Variants in RNF141 observed in about 807,000 individuals in gnomAD.
The protein encoded by RNF141 is C3HC4-like zinc finger protein.
In RNF141, 18 loss-of-function variants were observed where a neutral mutation model predicts 27.4. That is an observed-to-expected ratio of 0.66 (90% CI 0.45 to 0.97). The LOEUF (loss-of-function observed/expected upper bound fraction) is 0.97, where lower values mean the gene tolerates loss of function less well. Among genes scored for constraint, RNF141 ranks in the 50% least tolerant of loss-of-function variants. RNF141 has a pLI of 0.00. For missense variants in RNF141, 230 were observed against 279.4 expected, an observed-to-expected ratio of 0.82 and a Z score of 1.26; for synonymous variants, 97 against 96.6, an observed-to-expected ratio of 1.00 and a Z score of -0.02.
rs1564864768 is a variant in RNF141, at chr11:10,515,079, TCAAAA to T, written c.543-18_543-14del. On this transcript the variant is annotated splice_polypyrimidine_tract_variant and intron_variant, in intron 5 of 5. Transcript: ENST00000265981. ...GTGTCGATCACTCCTATTAGAGAAG[TCAAAA>T]CAAAACAGTTTGCTTTCTTCTTTTT... 1.3e-6 allele frequency: 2 copies of T among 1,598,184 alleles called. No individual in the cohort carries two copies. The highest frequency in any genetic ancestry group is 2.3e-5 in the East Asian group (1 of 44,378).
chr11:10,530,963 A>G (rs1043693721), intron 2 of RNF141, among the ~76,000 whole-genome samples: 2 of 152,228 alleles, frequency 1.3e-5, no homozygotes, highest in Non-Finnish European at 2.9e-5. Flanking sequence ...TAAGGTTTTT[A>G]AAGTCAACAG....
At chr11:10,528,161 A>C (rs1849954859) in intron 3 of RNF141, among the ~76,000 whole-genome samples, 1 of 152,202 alleles carries the variant, frequency 6.6e-6, no homozygotes, top group African/African-American at 2.4e-5. Flanking sequence ...GCAGAGAGTC[A>C]AGAAAAAGAC....
chr11:10,533,540 AG>A (rs1359478392), intron 2 of RNF141, among the ~76,000 whole-genome samples: 23 of 121,570 alleles, frequency 1.9e-4, no homozygotes, highest in Non-Finnish European at 3.6e-4. Flanking sequence ...AGTAAAAAAA[AG>A]TATATATATA....
chr11:10,517,233 A>C (rs1343768681), intron 5 of RNF141: 2 of 152,176 alleles, frequency 1.3e-5, no homozygotes, highest in Non-Finnish European at 2.9e-5. Context: ...TCTGAGGTTA[A>C]AAAAATACAC....
chr11:10,540,193 T>C (rs1850083020), intron 1 of RNF141, among the ~76,000 whole-genome samples: 1 of 152,064 alleles, frequency 6.6e-6, no homozygotes, highest in Admixed American at 6.5e-5. Context: ...GCAAGAAGAA[T>C]GGGCAGAAGG....
chr11:10,516,495 A>C (rs1374721161), intron 5 of RNF141: 2 of 152,240 alleles, frequency 1.3e-5, no homozygotes, highest in Non-Finnish European at 2.9e-5. Context: ...CACAGAGCTG[A>C]GAATCTTGGG....
chr11:10,526,857 T>C (rs1329046440), intron 3 of RNF141, among the ~76,000 whole-genome samples: 3 of 152,092 alleles, frequency 2.0e-5, no homozygotes, highest in Non-Finnish European at 1.5e-5. Flanking sequence ...AGAAAGTTGA[T>C]TAAATTTTGG....
rs1414066174 is a variant in RNF141 at position 10,538,639 on chromosome 11, T to C, written c.-48+2483A>G. Among the ~76,000 whole-genome samples, 3 of 152,270 alleles carry C rather than the reference T, an allele frequency of 2.0e-5. No homozygotes were observed. The East Asian group carries it at 5.8e-4, about 29-fold the overall frequency. On this transcript the variant is annotated intron_variant, in intron 1 of 5. Transcript: ENST00000265981. Reference sequence around the variant, plus strand: ...GATACACAAGCACTCAATAGATGTTTACTGAATAAATGCAGTAAATACCAT... The same window carrying C: ...GATACACAAGCACTCAATAGATGTTCACTGAATAAATGCAGTAAATACCAT...
intron 5 of RNF141, chr11:10,516,649 A>T (rs1236269765): frequency 6.6e-6 from 1 of 152,260 alleles, no homozygotes; most frequent in Non-Finnish European, 1.5e-5. Flanking sequence ...CCGAGGCTGA[A>T]CAATCAATCA....
chr11:10,537,472 A>C (rs1429071643), intron 1 of RNF141, among the ~76,000 whole-genome samples: 1 of 152,228 alleles, frequency 6.6e-6, no homozygotes, highest in Non-Finnish European at 1.5e-5. Context: ...TATAGTCTCA[A>C]TATTTAATAT....
At chr11:10,529,264 G>A (rs1315648630) in intron 3 of RNF141, among the ~76,000 whole-genome samples, 1 of 152,230 alleles carries the variant, frequency 6.6e-6, no homozygotes, top group African/African-American at 2.4e-5. Flanking sequence ...GAGTTCAGAA[G>A]TGACATCTGC....
intron 2 of RNF141, among the ~76,000 whole-genome samples, chr11:10,533,036 G>C (rs1018962815): frequency 6.6e-6 from 1 of 152,162 alleles, no homozygotes; most frequent in Admixed American, 6.5e-5. Context: ...CTAAGTTGAA[G>C]AGACTAAACA....
chr11:10,514,461 T>G lies in RNF141; in HGVS notation c.*455A>C, dbSNP rs1696460175. The stretch of plus-strand genomic sequence containing the variant: ...TTCCAGCAGAAAGACTAGTTTTAAG[T>G]AGTAACATGCACGTTGAAGTATTCT... On this transcript the variant is annotated 3_prime_UTR_variant, in exon 6 of 6. Transcript: ENST00000265981. 6.5e-6 allele frequency: 1 copy of G among 153,058 alleles called. No individual in the cohort carries two copies. Among genetic ancestry groups the G allele is most frequent in the Admixed American group, 6.5e-5 (1 of 15,278 alleles). The allele number at this position is 153,058 out of a possible 1,614,324, so 9.5% of individuals were successfully genotyped here.
Position 10,524,283 on chromosome 11 carries a change from C to CG in RNF141, c.434+908dup, listed in dbSNP as rs1849913262. On this transcript the variant is annotated intron_variant, in intron 4 of 5. Coordinates refer to ENST00000265981, the MANE Select transcript of RNF141 (RefSeq NM_016422.4). ...ACAAAAAATTAGCCGGGCGTGGTGG[C>CG]GGGCGCCTGTAGTCCCAGCTACTTG... Among the ~76,000 whole-genome samples the CG allele has an allele frequency of 1.3e-5, 2 of 152,086 alleles. 1 individual carries two copies. The highest frequency in any genetic ancestry group is 4.1e-4 in the South Asian group (2 of 4,832).
intron 2 of RNF141, chr11:10,532,133 A>T: frequency 3.5e-6 from 1 of 285,880 alleles, no homozygotes; most frequent in Non-Finnish European, 6.9e-6. Context: ...AACTTCATAC[A>T]ATAGACAGGG....
intron 4 of RNF141, among the ~76,000 whole-genome samples, chr11:10,519,958 C>T (rs2133966643): frequency 6.6e-6 from 1 of 152,190 alleles, no homozygotes; most frequent in East Asian, 1.9e-4. Flanking sequence ...AACACTAACA[C>T]TAACAATATC....
intron 2 of RNF141, among the ~76,000 whole-genome samples, chr11:10,532,678 T>C (rs2133974473): frequency 6.6e-6 from 1 of 152,326 alleles, no homozygotes; most frequent in Middle Eastern, 3.4e-3. Context: ...TGTCTTCACA[T>C]AAAGACAGTA....
intron 3 of RNF141, among the ~76,000 whole-genome samples, chr11:10,529,221 G>A (rs577013551): frequency 1.3e-5 from 2 of 152,242 alleles, no homozygotes; most frequent in South Asian, 2.1e-4. Flanking sequence ...CAGTGTAGGT[G>A]TATGAAGGGG....
At chr11:10,516,740 A>G (rs559479212) in intron 5 of RNF141, 6 of 152,408 alleles carry the variant, frequency 3.9e-5, no homozygotes, top group African/African-American at 1.4e-4. Flanking sequence ...GGAAAACCTC[A>G]TAACTCTTGG....
Sources: allele counts gnomAD v4.1 joint callset (sites outside exome capture counted in the v4.1 genomes callset), GRCh38; gene constraint gnomAD v4.1.1; transcripts MANE v1.5; gene names NCBI Gene and HGNC (gene_info 2026-07-23, HGNC 2026-07-21).